Variants in CFAP251 observed in about 807,000 individuals in gnomAD.
CFAP251 encodes cilia and flagella associated protein 251.
CFAP251 carries 93 observed loss-of-function variants against 126.7 expected under a neutral mutation model. The observed-to-expected ratio is 0.73, with a 90% CI of 0.62 to 0.87. CFAP251 has a LOEUF of 0.87. Ranked by LOEUF, CFAP251 falls within the 40% of genes least tolerant of loss-of-function variation. The pLI, the probability that CFAP251 is intolerant of heterozygous loss-of-function variation, is 0.00. For synonymous variants in CFAP251, 503 were observed against 506.9 expected (o/e 0.99, Z 0.10); for missense variants, 1,287 against 1,389.2 (o/e 0.93, Z 1.17).
At chr12:121,957,301 G>T (rs1337188244) in intron 11 of CFAP251, 33 bp downstream of exon 11, 1 of 1,568,464 alleles carries the variant, frequency 6.4e-7, no homozygotes, top group Middle Eastern at 1.7e-4. Flanking sequence ...CATTAGAATG[G>T]TTGAAAAATG....
intron 12 of CFAP251, 104 bp downstream of exon 12, chr12:121,958,626 C>A: frequency 6.5e-7 from 1 of 1,535,058 alleles, no homozygotes; most frequent in Non-Finnish European, 8.8e-7. Flanking sequence ...CCGACTCCAG[C>A]CCCCAGCAGG....
intron 19 of CFAP251, among the ~76,000 whole-genome samples, chr12:121,976,664 G>A (rs758911122): frequency 1.1e-4 from 17 of 152,172 alleles, no homozygotes; most frequent in Non-Finnish European, 1.9e-4. Flanking sequence ...CAAACACTTT[G>A]GGATGCCAAG....
At position 121,974,870 on chromosome 12, in the gene CFAP251, G is replaced by A. The variant is rs1298093328; in HGVS notation, c.2772-374G>A. On this transcript the variant is annotated intron_variant, in intron 17 of 21. Coordinates refer to ENST00000288912, the MANE Select transcript of CFAP251 (RefSeq NM_144668.6). The surrounding 1 kb of genome is among the most constrained non-coding windows in gnomAD (Gnocchi z 4.6). ...ATTCTTTTGACTCTGATCGTTCGTG[G>A]ATCTAAAGTTACGGGTAAGGCTGCT... is the stretch of plus-strand genomic sequence containing the variant. Among the ~76,000 whole-genome samples the A allele has an allele frequency of 6.6e-6, 1 of 152,222 alleles. No individual in the cohort carries two copies.
chr12:121,933,060 T>C (rs1453305610), intron 4 of CFAP251: 1 of 152,282 alleles, frequency 6.6e-6, no homozygotes, highest in Non-Finnish European at 1.5e-5. Context: ...AGGTCTGTAG[T>C]AATGAACAAA....
chr12:121,991,942 G>C (rs760590027), intron 19 of CFAP251, among the ~76,000 whole-genome samples: 11 of 152,088 alleles, frequency 7.2e-5, no homozygotes, highest in Non-Finnish European at 4.4e-5. Flanking sequence ...GCTGTGATCC[G>C]AGATCACGCC....
chr12:121,922,685 C>T (rs553202866), intron 2 of CFAP251, among the ~76,000 whole-genome samples: 6 of 146,242 alleles, frequency 4.1e-5, no homozygotes, highest in East Asian at 2.0e-4. Context: ...TTGGAGACCA[C>T]GAGTGCCACT....
chr12:121,942,520 G>T lies in CFAP251; in HGVS notation c.999-14G>T, dbSNP rs766111273. On this transcript the variant is annotated splice_polypyrimidine_tract_variant and intron_variant, in intron 5 of 21. Coordinates refer to ENST00000288912, the MANE Select transcript of CFAP251 (RefSeq NM_144668.6). Reference sequence around the variant, plus strand: ...GACCTCAGCAAGTGTCGCCCCCCTTGTCCTGTTTTGCAGTATTCCTGTGCA... The same window carrying T: ...GACCTCAGCAAGTGTCGCCCCCCTTTTCCTGTTTTGCAGTATTCCTGTGCA... 1 of 1,601,564 alleles carries T rather than the reference G, an allele frequency of 6.2e-7. No homozygotes were observed. Among genetic ancestry groups the T allele is most frequent in the Non-Finnish European group, 8.5e-7 (1 of 1,169,942 alleles).
chr12:121,943,080 G>A, intron 7 of CFAP251, 105 bp downstream of exon 7: 2 of 1,203,732 alleles, frequency 1.7e-6, no homozygotes, highest in Non-Finnish European at 2.4e-6. Context: ...TTGGGAGGCT[G>A]AGGTAGGTTA....
chr12:121,957,123 AC>A lies in CFAP251; in HGVS notation c.1588del (p.Leu530CysfsTer10). 1 of 1,613,278 alleles carries A rather than the reference AC, an allele frequency of 6.2e-7. No homozygotes were observed. Among genetic ancestry groups the A allele is most frequent in the Non-Finnish European group, 8.5e-7 (1 of 1,179,734 alleles). On this transcript the variant is annotated frameshift_variant, in exon 11 of 22. Coordinates refer to ENST00000288912, the MANE Select transcript of CFAP251 (RefSeq NM_144668.6). LOFTEE classifies it high-confidence loss of function. ...GGGGAACATTAAGTTCTATGATCAC[AC>A]CCTGTCTATTGTTAACTGGTACAGT... The part of the protein sequence containing the change: ...IKGNIKFYDH[T>X]LSIVNWYSHL...
chr12:121,946,410 GAGTGGT>G (rs1312550971), intron 7 of CFAP251, among the ~76,000 whole-genome samples: 1 of 152,138 alleles, frequency 6.6e-6, no homozygotes, highest in Admixed American at 6.6e-5. Flanking sequence ...TAGAATTCTA[GAGTGGT>G]AGTATTTTCT....
At chr12:121,942,697 A>T (rs1881171087) in intron 6 of CFAP251, 52 bp downstream of exon 6, 1 of 1,451,476 alleles carries the variant, frequency 6.9e-7, no homozygotes. Flanking sequence ...CGACCTGTGC[A>T]GCGTGTCCCC....
intron 14 of CFAP251, among the ~76,000 whole-genome samples, chr12:121,961,746 T>A (rs1881947163): frequency 1.3e-5 from 2 of 152,354 alleles, no homozygotes; most frequent in Non-Finnish European, 1.5e-5. Context: ...ACATGACAGC[T>A]GTTTTTAGAG....
intron 17 of CFAP251, 144 bp from the exon 18 acceptor site, chr12:121,975,100 C>T (rs1191748418): frequency 1.3e-5 from 8 of 623,984 alleles, no homozygotes; most frequent in African/African-American, 3.7e-5. Flanking sequence ...TTTTAAAGGA[C>T]CTTTTCTTAA....
chr12:121,987,232 T>C lies in CFAP251; in HGVS notation c.3006+11547T>C, dbSNP rs80103803. On this transcript the variant is annotated intron_variant, in intron 19 of 21. Transcript: ENST00000288912. ...TCAGCAGGCATTTCCATCCTGAAGGTAATAGAAGTGGCCCAGTGTTCTAGG... is the reference window on the plus strand; with the variant it reads ...TCAGCAGGCATTTCCATCCTGAAGGCAATAGAAGTGGCCCAGTGTTCTAGG... Among the ~76,000 whole-genome samples, 331 of 152,262 alleles carry C rather than the reference T, an allele frequency of 2.2e-3. 5 individuals carry two copies. The highest frequency in any genetic ancestry group is 7.6e-3 in the African/African-American group (317 of 41,540).
chr12:121,994,347 C>A (rs2135815503), intron 19 of CFAP251, among the ~76,000 whole-genome samples: 1 of 67,508 alleles, frequency 1.5e-5, no homozygotes, highest in African/African-American at 6.0e-5. Context: ...GGGTCAGCCC[C>A]CCTGCCCGGC....
At chr12:121,965,469 C>T (rs745892684) in intron 15 of CFAP251, among the ~76,000 whole-genome samples, 5 of 152,036 alleles carry the variant, frequency 3.3e-5, no homozygotes, top group East Asian at 1.9e-4. Context: ...CATAAGTAAA[C>T]GGATGTCTTG....
At chr12:121,938,985 TAA>T (rs11337763) in intron 5 of CFAP251, among the ~76,000 whole-genome samples, 35 of 147,114 alleles carry the variant, frequency 2.4e-4, no homozygotes, top group East Asian at 6.0e-4. Context: ...AGAATTCATC[TAA>T]AAAAAAAAAA....
chr12:122,001,491 A>C lies in CFAP251; in HGVS notation c.3236-6A>C. ...AACAATCACCTTCTCACTCTTTGAC[A>C]CACAGGTGAGCATATGACGGAGGAG... On this transcript the variant is annotated splice_polypyrimidine_tract_variant and splice_region_variant and intron_variant, in intron 20 of 21. Coordinates refer to ENST00000288912, the MANE Select transcript of CFAP251 (RefSeq NM_144668.6). The C allele has an allele frequency of 6.2e-7, 1 of 1,612,660 alleles. No homozygotes were observed. The highest frequency in any genetic ancestry group is 8.5e-7 in the Non-Finnish European group (1 of 1,178,662).
At chr12:121,959,749 G>C (rs957507416) in intron 13 of CFAP251, 2 of 152,196 alleles carry the variant, frequency 1.3e-5, no homozygotes, top group African/African-American at 4.8e-5. Context: ...CTGGAAAGGA[G>C]TGTAAAACCA....
Sources: allele counts gnomAD v4.1 joint callset (sites outside exome capture counted in the v4.1 genomes callset), GRCh38; gene constraint gnomAD v4.1.1; non-coding constraint Gnocchi (gnomAD v3.1); transcripts MANE v1.5; gene names NCBI Gene and HGNC (gene_info 2026-07-23, HGNC 2026-07-21).